The following N4BP1 variants were observed in gnomAD, a reference collection of about 807,000 sequenced individuals.
N4BP1 encodes NEDD4-binding protein 1.
In N4BP1, 21 loss-of-function variants were observed where a neutral mutation model predicts 70.9. The ratio of observed to expected loss-of-function variants is 0.30; its 90% confidence interval spans 0.21 to 0.43. N4BP1 has a LOEUF of 0.43. N4BP1 is among the 20% of genes least tolerant of loss of function. The pLI, the probability that N4BP1 is intolerant of heterozygous loss-of-function variation, is 1.00. For missense variants in N4BP1, 936 were observed against 1,069.4 expected, an observed-to-expected ratio of 0.88 and a Z score of 1.74; for synonymous variants, 387 against 394.6, an observed-to-expected ratio of 0.98 and a Z score of 0.23.
Position 48,561,109 on chromosome 16 carries a change from A to C in N4BP1, c.1534T>G (p.Ser512Ala). ...KEVNFVSRGASSHQPRVPLFP... is the reference protein window; with the variant it reads ...KEVNFVSRGAASHQPRVPLFP... The stretch of plus-strand genomic sequence containing the variant: ...AGTGGAACTCTGGGCTGGTGACTTG[A>C]AGCTCCCCTTGAAACAAAATTGACT... The change falls in exon 2 of 7, where the codon TCA becomes GCA. Residue 512 changes from serine to alanine, a missense_variant. This residue lies in a region of N4BP1 where 515 missense variants were observed against 491.7 expected (regional missense o/e 1.05). Transcript: ENST00000262384. 1 of 1,614,016 alleles carries C rather than the reference A, an allele frequency of 6.2e-7. No individual in the cohort carries two copies. The highest frequency in any genetic ancestry group is 8.5e-7 in the Non-Finnish European group (1 of 1,179,878).
chr16:48,552,090 T>C (rs887736134), intron 3 of N4BP1, among the ~76,000 whole-genome samples: 8 of 151,722 alleles, frequency 5.3e-5, no homozygotes, highest in Non-Finnish European at 1.2e-4. Context: ...TGAGAGAGGG[T>C]AGGGGTGAGG....
chr16:48,580,822 CAATAT>C (rs1315868330), intron 1 of N4BP1, among the ~76,000 whole-genome samples: 1 of 152,068 alleles, frequency 6.6e-6, no homozygotes, highest in East Asian at 1.9e-4. Flanking sequence ...CTAAAGAATA[CAATAT>C]AACTATTTAT....
At chr16:48,550,557 G>T (rs1338098695) in intron 4 of N4BP1, among the ~76,000 whole-genome samples, 1 of 152,046 alleles carries the variant, frequency 6.6e-6, no homozygotes, top group East Asian at 1.9e-4. Context: ...CTAAATCTTG[G>T]TGACTCAGAT....
intron 1 of N4BP1, among the ~76,000 whole-genome samples, chr16:48,565,570 G>A (rs1035197890): frequency 1.4e-4 from 21 of 152,200 alleles, no homozygotes; most frequent in Middle Eastern, 6.8e-3. Context: ...GAATCTATAC[G>A]GACTCTGGTC....
intron 2 of N4BP1, among the ~76,000 whole-genome samples, chr16:48,559,445 C>G (rs1963818953): frequency 6.6e-6 from 1 of 152,162 alleles, no homozygotes; most frequent in Non-Finnish European, 1.5e-5. Context: ...AATGCCAGAC[C>G]TTGAATATTT....
chr16:48,595,424 T>C (rs1179847476), intron 1 of N4BP1, among the ~76,000 whole-genome samples: 3 of 115,770 alleles, frequency 2.6e-5, no homozygotes, highest in East Asian at 2.7e-4. Context: ...ACCACTGCAC[T>C]CAAGCCTGGG....
intron 1 of N4BP1, among the ~76,000 whole-genome samples, chr16:48,605,009 G>A (rs1964557438): frequency 6.6e-6 from 1 of 151,778 alleles, no homozygotes; most frequent in Admixed American, 6.6e-5. Flanking sequence ...TGAGTTTGTG[G>A]TTCTTTGATC....
chr16:48,585,541 CTTTT>C (rs35508080), intron 1 of N4BP1, among the ~76,000 whole-genome samples: 2 of 140,996 alleles, frequency 1.4e-5, no homozygotes, highest in Non-Finnish European at 3.1e-5. Context: ...TAGTAACGAA[CTTTT>C]TTTTTTTTTT....
chr16:48,566,333 C>T (rs1348677657), intron 1 of N4BP1, among the ~76,000 whole-genome samples: 1 of 152,168 alleles, frequency 6.6e-6, no homozygotes, highest in African/African-American at 2.4e-5. Flanking sequence ...GCATGAGCCA[C>T]TGGGCCCAGC....
intron 1 of N4BP1, among the ~76,000 whole-genome samples, chr16:48,573,382 A>G (rs1223310952): frequency 6.6e-6 from 1 of 152,190 alleles, no homozygotes; most frequent in African/African-American, 2.4e-5. Flanking sequence ...GTTTGAGGTC[A>G]GGAGTTCAAG....
At chr16:48,580,531 A>T (rs1261545155) in intron 1 of N4BP1, among the ~76,000 whole-genome samples, 1 of 152,166 alleles carries the variant, frequency 6.6e-6, no homozygotes, top group Non-Finnish European at 1.5e-5. Flanking sequence ...ATTCTTCTCA[A>T]ACTCTTCCAA....
chr16:48,594,123 A>G (rs1964377308), intron 1 of N4BP1, among the ~76,000 whole-genome samples: 1 of 152,182 alleles, frequency 6.6e-6, no homozygotes, highest in Non-Finnish European at 1.5e-5. Context: ...TTAAAAGATA[A>G]CGAAAGGTTT....
intron 1 of N4BP1, among the ~76,000 whole-genome samples, chr16:48,576,031 T>C (rs1234318081): frequency 6.6e-6 from 1 of 152,064 alleles, no homozygotes; most frequent in African/African-American, 2.4e-5. Flanking sequence ...CACACTTTAG[T>C]ATGCTATTTT....
rs142804896 is a variant in N4BP1, at chr16:48,599,194, C to T, written c.198+10581G>A. Among the ~76,000 whole-genome samples the T allele has an allele frequency of 1.8e-4, 28 of 152,254 alleles. 1 individual carries two copies. In the East Asian group the frequency reaches 5.2e-3, roughly 28 times the overall value. On this transcript the variant is annotated intron_variant, in intron 1 of 6. Transcript: ENST00000262384. ...TCCAGTAACACCTCGATTCCCACTG[C>T]CCCCGCCCCTCATCCCCATCTGATA...
intron 1 of N4BP1, among the ~76,000 whole-genome samples, chr16:48,605,628 G>C (rs949557627): frequency 6.6e-6 from 1 of 152,086 alleles, no homozygotes; most frequent in Non-Finnish European, 1.5e-5. Flanking sequence ...TCTAGCCCCT[G>C]TATTAATGCC....
chr16:48,552,685 G>C (rs570326633), intron 3 of N4BP1, among the ~76,000 whole-genome samples: 1 of 105,640 alleles, frequency 9.5e-6, no homozygotes, highest in Non-Finnish European at 1.7e-5. Context: ...GCGACAGAGC[G>C]AGACTCCGTC....
At chr16:48,556,744 T>C (rs959053103) in intron 2 of N4BP1, among the ~76,000 whole-genome samples, 4 of 152,084 alleles carry the variant, frequency 2.6e-5, no homozygotes, top group African/African-American at 9.7e-5. Context: ...GACAGGGCAG[T>C]GTGGGGACAA....
At chr16:48,559,641 A>G (rs752206751) in intron 2 of N4BP1, 6 of 152,224 alleles carry the variant, frequency 3.9e-5, no homozygotes, top group African/African-American at 1.2e-4. Flanking sequence ...AATTGTTCAG[A>G]CCACTTCTAC....
intron 1 of N4BP1, among the ~76,000 whole-genome samples, chr16:48,567,550 C>T (rs1046896861): frequency 6.6e-6 from 1 of 152,064 alleles, no homozygotes; most frequent in Non-Finnish European, 1.5e-5. Flanking sequence ...AACTTCTGGG[C>T]TCAACTGATC....
Sources: allele counts gnomAD v4.1 joint callset (sites outside exome capture counted in the v4.1 genomes callset), GRCh38; gene constraint gnomAD v4.1.1; regional missense constraint gnomAD v4.1.1; transcripts MANE v1.5; gene names NCBI Gene and HGNC (gene_info 2026-07-23, HGNC 2026-07-21).